The following HEATR4 variants were observed in gnomAD, a reference collection of about 807,000 sequenced individuals.
HEATR4 encodes HEAT repeat-containing protein 4.
Under a neutral mutation model 108.8 loss-of-function variants are expected in HEATR4, and 95 were observed. The ratio of observed to expected loss-of-function variants is 0.87; its 90% confidence interval spans 0.74 to 1.04. The LOEUF is 1.04. Among genes scored for constraint, HEATR4 ranks in the 50% least tolerant of loss-of-function variants. The pLI, the probability that HEATR4 is intolerant of heterozygous loss-of-function variation, is 0.00. For synonymous variants in HEATR4, 443 were observed against 459.4 expected (o/e 0.96, Z 0.46); for missense variants, 1,152 against 1,253.8 (o/e 0.92, Z 1.23).
the HEATR4 span, among the ~76,000 whole-genome samples, chr14:73,630,003 G>A: frequency 6.0e-5 from 9 of 149,282 alleles, no homozygotes; most frequent in South Asian, 8.4e-4. Flanking sequence ...CAGCTTGGGC[G>A]ACAGAGCAAG....
intron 17 of HEATR4, among the ~76,000 whole-genome samples, chr14:73,480,087 C>T (rs945985785): frequency 7.2e-5 from 11 of 152,268 alleles, no homozygotes; most frequent in East Asian, 1.9e-4. Context: ...CATTATATGG[C>T]GTTATTACTA....
chr14:73,600,036 T>G, the HEATR4 span, among the ~76,000 whole-genome samples: 1 of 152,002 alleles, frequency 6.6e-6, no homozygotes, highest in Non-Finnish European at 1.5e-5. Context: ...TTGAATATCC[T>G]TCTTCTCAAT....
At chr14:73,537,905 C>T (rs1482209576) in intron 1 of HEATR4, 2 of 1,166,948 alleles carry the variant, frequency 1.7e-6, no homozygotes, top group Non-Finnish European at 2.2e-6. Flanking sequence ...AATTGTTCCC[C>T]TCTGCCCATC....
chr14:73,528,133 G>T (rs1888456764), intron 2 of HEATR4, among the ~76,000 whole-genome samples: 1 of 152,066 alleles, frequency 6.6e-6, no homozygotes, highest in South Asian at 2.1e-4. Context: ...GGTGGCTCAT[G>T]CCTGTAATCC....
intron 17 of HEATR4, chr14:73,480,733 A>G (rs981707485): frequency 1.3e-5 from 2 of 152,054 alleles, no homozygotes; most frequent in Non-Finnish European, 2.9e-5. Flanking sequence ...GTAAAAAGAA[A>G]CGATGCCTGG....
intron 17 of HEATR4, chr14:73,491,634 TTGAG>T: frequency 6.5e-7 from 1 of 1,549,908 alleles, no homozygotes; most frequent in Non-Finnish European, 8.7e-7. Context: ...GCCCGCCTCT[TTGAG>T]TGGCTCATCG....
At chr14:73,512,229 C>T in intron 6 of HEATR4, 80 bp from the exon 7 acceptor site, 1 of 1,503,556 alleles carries the variant, frequency 6.7e-7, no homozygotes. Context: ...GACAAGAAGT[C>T]TGCCCTTCAC....
chr14:73,588,892 C>G, the HEATR4 span, among the ~76,000 whole-genome samples: 1 of 151,982 alleles, frequency 6.6e-6, no homozygotes, highest in Admixed American at 6.6e-5. Flanking sequence ...ACTGAGCTAT[C>G]TGGGTTGTTT....
chr14:73,576,920 T>C, the HEATR4 span, among the ~76,000 whole-genome samples: 1 of 133,724 alleles, frequency 7.5e-6, no homozygotes. Flanking sequence ...TAATTTATTA[T>C]TCTTTTCTTT....
chr14:73,594,051 C>T, the HEATR4 span: 1 of 559,072 alleles, frequency 1.8e-6, no homozygotes, highest in Non-Finnish European at 2.9e-6. Context: ...GCTATTTCCA[C>T]TTTTTCTGTC....
At chr14:73,580,447 AGAGT>A in the HEATR4 span, among the ~76,000 whole-genome samples, 9 of 152,148 alleles carry the variant, frequency 5.9e-5, no homozygotes, top group East Asian at 1.7e-3. Flanking sequence ...TGTGATAAAG[AGAGT>A]GAGTTTTATT....
intron 1 of HEATR4, among the ~76,000 whole-genome samples, chr14:73,548,185 G>C (rs1329898912): frequency 8.6e-6 from 1 of 116,002 alleles, no homozygotes; most frequent in Non-Finnish European, 1.9e-5. Context: ...GTAATCAGTA[G>C]AAGGGTCCAG....
At chr14:73,574,774 A>C in the HEATR4 span, 6 of 1,479,150 alleles carry the variant, frequency 4.1e-6, 1 homozygote, top group Non-Finnish European at 2.8e-6. Flanking sequence ...TAAATTCTCA[A>C]AGTTGCAAAT....
chr14:73,567,005 C>T, the HEATR4 span, among the ~76,000 whole-genome samples: 87 of 152,220 alleles, frequency 5.7e-4, no homozygotes, highest in African/African-American at 2.0e-3. Context: ...GATGGGGTTT[C>T]ACTGTGTTAG....
rs1249793038 is a variant in HEATR4, at chr14:73,508,287, A to G, written c.1728T>C (p.Ser576=). The part of the protein sequence containing the change: ...IMQTALLKGN[S]VDSWAAAQCL... ...ACTGAGCTGCAGCCCAGCTATCCAC[A>G]CTGTTACCTGCCACAGTTGGGTGAA... Residue 576 remains serine, a synonymous_variant, in exon 9 of 18, where the codon AGT becomes AGC. Transcript: ENST00000553558. 10 of 1,613,324 alleles carry G rather than the reference A, an allele frequency of 6.2e-6. No homozygotes were observed. Among genetic ancestry groups the G allele is most frequent in the Non-Finnish European group, 8.5e-6 (10 of 1,179,880 alleles).
At chr14:73,509,581 G>T (rs1032966572) in intron 7 of HEATR4, 108 bp from the exon 8 acceptor site, 2 of 1,060,784 alleles carry the variant, frequency 1.9e-6, no homozygotes, top group Admixed American at 4.0e-5. Flanking sequence ...AGCTGCAGTT[G>T]CTTAGTGCTA....
the HEATR4 span, among the ~76,000 whole-genome samples, chr14:73,623,905 G>T: frequency 4.6e-5 from 7 of 151,942 alleles, no homozygotes; most frequent in Non-Finnish European, 1.0e-4. Flanking sequence ...TGTCCCTTCT[G>T]CAGTGAGTGG....
chr14:73,527,515 T>A (rs960295293), intron 2 of HEATR4: 4 of 150,520 alleles, frequency 2.7e-5, no homozygotes, highest in Non-Finnish European at 5.9e-5. Flanking sequence ...TTCTTTTGTT[T>A]CTTTACTTCT....
At chr14:73,586,709 A>G in the HEATR4 span, among the ~76,000 whole-genome samples, 1 of 151,680 alleles carries the variant, frequency 6.6e-6, no homozygotes, top group Non-Finnish European at 1.5e-5. Flanking sequence ...TCTGAAAAAA[A>G]AAAAAAAAAA....
Sources: allele counts gnomAD v4.1 joint callset (sites outside exome capture counted in the v4.1 genomes callset), GRCh38; gene constraint gnomAD v4.1.1; transcripts MANE v1.5; gene names NCBI Gene and HGNC (gene_info 2026-07-23, HGNC 2026-07-21).